Variants in GPR158 observed in about 807,000 individuals in gnomAD.
GPR158 encodes G protein-coupled receptor 158, also known as metabotropic glycine receptor.
In GPR158, 30 loss-of-function variants were observed where a neutral mutation model predicts 78.2. The ratio of observed to expected loss-of-function variants is 0.38; its 90% CI spans 0.29 to 0.52. The LOEUF is 0.52. Among genes scored for constraint, GPR158 ranks in the 20% least tolerant of loss-of-function variants. The probability of loss-of-function intolerance (pLI) is 0.83; values close to 1 mark genes in which losing one functional copy is unlikely to be tolerated. For missense variants in GPR158, 1,463 were observed against 1,523.5 expected (o/e 0.96, Z 0.66); for synonymous variants, 581 against 591.1 (o/e 0.98, Z 0.25).
chr10:25,356,076 G>T (rs1855545800), intron 2 of GPR158, among the ~76,000 whole-genome samples: 1 of 152,058 alleles, frequency 6.6e-6, no homozygotes. Flanking sequence ...AAGATAGTGG[G>T]AAAGCTGATT....
chr10:25,502,063 C>T (rs989115475), intron 5 of GPR158, among the ~76,000 whole-genome samples: 4 of 152,276 alleles, frequency 2.6e-5, no homozygotes, highest in South Asian at 2.1e-4. Flanking sequence ...TGCTAGAAAA[C>T]ACGCCCAGTG....
chr10:25,423,136 CATATACATATATATGTATAT>C (rs1300167012), intron 4 of GPR158, among the ~76,000 whole-genome samples: 1,306 of 76,292 alleles, frequency 0.017, 23 homozygotes, highest in African/African-American at 0.045. Flanking sequence ...TATGTATATA[CATATACATATATATGTATAT>C]GTATATATGT....
chr10:25,280,643 C>A (rs1370026216), intron 2 of GPR158, among the ~76,000 whole-genome samples: 1 of 152,114 alleles, frequency 6.6e-6, no homozygotes, highest in Non-Finnish European at 1.5e-5. Flanking sequence ...TTACAGACTG[C>A]ATTTTTTTCT....
chr10:25,345,260 G>T (rs1855357500), intron 2 of GPR158, among the ~76,000 whole-genome samples: 1 of 151,948 alleles, frequency 6.6e-6, no homozygotes, highest in Non-Finnish European at 1.5e-5. Flanking sequence ...GCTCTACTAA[G>T]CCTCTCTCTG....
intron 2 of GPR158, among the ~76,000 whole-genome samples, chr10:25,288,534 A>C (rs1256252030): frequency 1.3e-5 from 2 of 152,176 alleles, no homozygotes; most frequent in Non-Finnish European, 2.9e-5. Flanking sequence ...ATTTTTAAAA[A>C]ATTTCTTATT....
In GPR158 at chr10:25,594,339, A is replaced by G. The variant is rs768516794; in HGVS notation, c.1940A>G (p.Tyr647Cys). 3.3e-5 allele frequency: 52 copies of G among 1,598,070 alleles called. No individual in the cohort carries two copies. Among genetic ancestry groups the G allele is most frequent in the Admixed American group, 1.2e-4 (7 of 59,672 alleles). ...RLQSDWMLML[Y>C]FAHTHLTVTV... is the part of the protein sequence containing the mutation. ...CAGTCTGATTGGATGTTGATGCTGT[A>G]TTTTGCACATACTCATTTGACTGTG... The change falls in exon 9 of 11, where the codon TAT becomes TGT. Residue 647 changes from tyrosine (Y) to cysteine (C), a missense_variant. By Grantham distance (194) the Tyr-to-Cys change is radical. Coordinates refer to ENST00000376351, the MANE Select transcript of GPR158 (RefSeq NM_020752.3).
intron 5 of GPR158, among the ~76,000 whole-genome samples, chr10:25,546,535 G>T (rs1345018113): frequency 6.6e-6 from 1 of 152,132 alleles, no homozygotes; most frequent in Non-Finnish European, 1.5e-5. Flanking sequence ...CTTCTTTCCT[G>T]TATCTCCATG....
At chr10:25,309,392 T>C (rs1004626539) in intron 2 of GPR158, among the ~76,000 whole-genome samples, 1 of 141,696 alleles carries the variant, frequency 7.1e-6, no homozygotes, top group Non-Finnish European at 1.5e-5. Flanking sequence ...TGCCCACTTT[T>C]GAATTCAGTT....
chr10:25,256,813 G>A (rs941407662), intron 2 of GPR158, among the ~76,000 whole-genome samples: 4 of 152,122 alleles, frequency 2.6e-5, no homozygotes, highest in South Asian at 2.1e-4. Context: ...AAACAAAGCC[G>A]ATAACATTAG....
At chr10:25,495,688 T>C (rs985550847) in intron 5 of GPR158, among the ~76,000 whole-genome samples, 3 of 152,124 alleles carry the variant, frequency 2.0e-5, no homozygotes, top group African/African-American at 7.2e-5. Context: ...GCATTTCCTC[T>C]TAAGTGTTTC....
intron 4 of GPR158, among the ~76,000 whole-genome samples, chr10:25,449,890 C>T (rs867618807): frequency 6.6e-6 from 1 of 151,608 alleles, no homozygotes; most frequent in African/African-American, 2.4e-5. Context: ...AGTTATAGAA[C>T]GTGAATTTCT....
At chr10:25,182,400 C>T (rs1852622770) in intron 1 of GPR158, among the ~76,000 whole-genome samples, 1 of 152,160 alleles carries the variant, frequency 6.6e-6, no homozygotes, top group African/African-American at 2.4e-5. Flanking sequence ...TTAAAAACAA[C>T]CTGTTTTCAA....
At chr10:25,201,937 T>A (rs1338050059) in intron 1 of GPR158, among the ~76,000 whole-genome samples, 1 of 152,112 alleles carries the variant, frequency 6.6e-6, no homozygotes. Flanking sequence ...GAAGATTTTT[T>A]TGTGTGTGCC....
intron 4 of GPR158, among the ~76,000 whole-genome samples, chr10:25,446,697 C>T (rs544635369): frequency 3.9e-5 from 6 of 152,280 alleles, no homozygotes; most frequent in Admixed American, 6.5e-5. Flanking sequence ...AAGTTCTAAC[C>T]TATTTGCTTA....
Position 25,511,535 on chromosome 10 carries a change from C to T in GPR158, c.1405-39441C>T, listed in dbSNP as rs529783897. Among the ~76,000 whole-genome samples the T allele has an allele frequency of 7.2e-5, 11 of 152,244 alleles. No homozygotes were observed. In the East Asian group the frequency reaches 1.9e-3, roughly 27 times the overall value. On this transcript the variant is annotated intron_variant, in intron 5 of 10. Coordinates refer to ENST00000376351, the MANE Select transcript of GPR158 (RefSeq NM_020752.3). Reference sequence around the variant, plus strand: ...TTGTTTCTTTTGCTATGCAGAAGCACTTTAGTTTAAGTCCCCTCTATTTAT... The same window carrying T: ...TTGTTTCTTTTGCTATGCAGAAGCATTTTAGTTTAAGTCCCCTCTATTTAT...
intron 4 of GPR158, among the ~76,000 whole-genome samples, chr10:25,431,979 G>A (rs1231154947): frequency 7.1e-6 from 1 of 139,894 alleles, no homozygotes; most frequent in Non-Finnish European, 1.6e-5. Flanking sequence ...TTGTGCACAT[G>A]TACCCTAAAA....
chr10:25,551,735 T>C (rs150925404), intron 6 of GPR158, among the ~76,000 whole-genome samples: 71 of 152,292 alleles, frequency 4.7e-4, no homozygotes, highest in African/African-American at 1.7e-3. Context: ...GGGCGCTCTC[T>C]TGCCTCCTTT....
intron 2 of GPR158, among the ~76,000 whole-genome samples, chr10:25,327,560 A>G: frequency 2.1e-5 from 1 of 48,004 alleles, no homozygotes; most frequent in Non-Finnish European, 5.3e-5. Flanking sequence ...CGTGAGATAA[A>G]GACTCTTCAT....
intron 2 of GPR158, among the ~76,000 whole-genome samples, chr10:25,306,001 C>G (rs1854671690): frequency 6.6e-6 from 1 of 152,096 alleles, no homozygotes; most frequent in Admixed American, 6.6e-5. Context: ...TGAAATGCCT[C>G]TTAGGATTTT....
Sources: allele counts gnomAD v4.1 joint callset (sites outside exome capture counted in the v4.1 genomes callset), GRCh38; gene constraint gnomAD v4.1.1; transcripts MANE v1.5; gene names NCBI Gene and HGNC (gene_info 2026-07-23, HGNC 2026-07-21).